Variants in LEPR observed in about 807,000 individuals in gnomAD.
LEPR encodes OB receptor.
In LEPR, 56 loss-of-function variants were observed where a neutral mutation model predicts 114.7. That is an observed-to-expected ratio of 0.49 (90% confidence interval 0.39 to 0.61). The LOEUF is 0.61. LEPR is among the 20% of genes least tolerant of loss of function. The probability of loss-of-function intolerance (pLI) is 0.00; values close to 1 mark genes in which losing one functional copy is unlikely to be tolerated. For missense variants in LEPR, 1,202 were observed against 1,352.9 expected (o/e 0.89, Z 1.75); for synonymous variants, 443 against 461.4 (o/e 0.96, Z 0.51).
chr1:65,455,080 CCTGAGG>C (rs1423906074), intron 2 of LEPR, among the ~76,000 whole-genome samples: 1 of 152,180 alleles, frequency 6.6e-6, no homozygotes, highest in Non-Finnish European at 1.5e-5. Flanking sequence ...CGCATCGGCT[CCTGAGG>C]CTTCTGCCTT....
intron 2 of LEPR, among the ~76,000 whole-genome samples, chr1:65,473,955 C>T (rs114742721): frequency 0.021 from 3,217 of 152,230 alleles, 137 homozygotes; most frequent in African/African-American, 0.074. Flanking sequence ...TCTTGGTTCT[C>T]TCATTAAATA....
At chr1:65,453,506 C>T (rs1016909910) in intron 2 of LEPR, among the ~76,000 whole-genome samples, 1 of 151,960 alleles carries the variant, frequency 6.6e-6, no homozygotes, top group African/African-American at 2.4e-5. Context: ...TTTCAAAGAA[C>T]ATCTTTATTT....
intron 14 of LEPR, among the ~76,000 whole-genome samples, chr1:65,611,358 G>T (rs890318492): frequency 6.6e-6 from 1 of 152,138 alleles, no homozygotes; most frequent in African/African-American, 2.4e-5. Context: ...TTGAGTGGGC[G>T]GTTGAACCCA....
At chr1:65,538,270 A>G (rs1349940659) in intron 2 of LEPR, among the ~76,000 whole-genome samples, 1 of 151,042 alleles carries the variant, frequency 6.6e-6, no homozygotes, top group East Asian at 2.0e-4. Flanking sequence ...TTTATTTTCA[A>G]GTTTTTTTCT....
intron 2 of LEPR, chr1:65,435,162 G>A: frequency 1.0e-6 from 1 of 985,392 alleles, no homozygotes; most frequent in Non-Finnish European, 1.2e-6. Flanking sequence ...GGAGTTCTGA[G>A]CTGGTCCTGC....
In LEPR at chr1:65,596,554, A is replaced by G. The variant is rs754950370; in HGVS notation, c.810A>G (p.Gln270=). 1.2e-6 allele frequency: 2 copies of G among 1,612,722 alleles called. No individual in the cohort carries two copies. The highest frequency in any genetic ancestry group is 4.5e-5 in the East Asian group (2 of 44,778). ...PPLVPFPLQY[Q]VKYSENSTTV... ...TGGTACCATTTCCACTTCAATATCA[A>G]GTGAAATATTCAGAGAATTCTACAA... Residue 270 remains glutamine (Q), a synonymous_variant, in exon 7 of 20, where the codon CAA becomes CAG. Coordinates refer to ENST00000349533, the MANE Select transcript of LEPR (RefSeq NM_002303.6).
intron 2 of LEPR, among the ~76,000 whole-genome samples, chr1:65,565,115 A>G (rs1653637635): frequency 6.6e-6 from 1 of 152,218 alleles, no homozygotes; most frequent in South Asian, 2.1e-4. Flanking sequence ...TTGGCCTTAC[A>G]ATATCATAGT....
chr1:65,489,331 T>C (rs2100486431), intron 2 of LEPR, among the ~76,000 whole-genome samples: 1 of 152,330 alleles, frequency 6.6e-6, no homozygotes, highest in East Asian at 1.9e-4. Context: ...GAATGGTATC[T>C]CATTGCACTT....
chr1:65,596,619 G>A (rs1656081072), intron 7 of LEPR, 26 bp downstream of exon 7: 3 of 1,602,326 alleles, frequency 1.9e-6, no homozygotes, highest in Non-Finnish European at 1.7e-6. Flanking sequence ...TAAGTAAAAG[G>A]AAAAGTTGAG....
intron 2 of LEPR, among the ~76,000 whole-genome samples, chr1:65,493,151 G>A (rs1444409291): frequency 2.6e-5 from 4 of 151,982 alleles, no homozygotes; most frequent in Non-Finnish European, 5.9e-5. Flanking sequence ...ACTTAGAGAG[G>A]GAGCTAGAGA....
rs939718255 is a variant in LEPR at position 65,506,631 on chromosome 1, T to A, written c.-20-58915T>A. 6.6e-5 allele frequency among the ~76,000 whole-genome samples: 10 copies of A among 151,854 alleles called. No homozygotes were observed. In the East Asian group the frequency reaches 1.7e-3, roughly 26 times the overall value. On this transcript the variant is annotated intron_variant, in intron 2 of 19. Transcript: ENST00000349533. The stretch of plus-strand genomic sequence containing the variant: ...CATTAAGCAATACAGACTGGGAACT[T>A]TTTTTTTCCTCCAAATTCTAGTTTA...
intron 2 of LEPR, among the ~76,000 whole-genome samples, chr1:65,439,611 G>C (rs956039432): frequency 6.6e-6 from 1 of 152,014 alleles, no homozygotes. Context: ...GAGGTCAGGA[G>C]TTCAAGACCA....
intron 11 of LEPR, among the ~76,000 whole-genome samples, chr1:65,606,133 A>G (rs981959492): frequency 5.9e-5 from 9 of 152,188 alleles, no homozygotes; most frequent in Non-Finnish European, 1.0e-4. Context: ...ATTAAAACCT[A>G]TAACCAAAAA....
chr1:65,639,941 A>C lies in LEPR; in HGVS notation c.*2926A>C, dbSNP rs1209861672. On this transcript the variant is annotated 3_prime_UTR_variant, in exon 20 of 20. Coordinates refer to ENST00000349533, the MANE Select transcript of LEPR (RefSeq NM_002303.6). ...TTTAGAGATGAGCTACAAGTTGACAAGAAAAATAGGAGCAGTTTTTTTTTT... is the reference window on the plus strand; with the variant it reads ...TTTAGAGATGAGCTACAAGTTGACACGAAAAATAGGAGCAGTTTTTTTTTT... 1.3e-5 allele frequency: 2 copies of C among 152,156 alleles called. No individual in the cohort carries two copies. Among genetic ancestry groups the C allele is most frequent in the African/African-American group, 4.8e-5 (2 of 41,436 alleles). 9.4% of individuals were successfully genotyped at this position (152,156 alleles called of 1,614,324 possible).
intron 2 of LEPR, among the ~76,000 whole-genome samples, chr1:65,529,691 A>G (rs909389471): frequency 9.2e-5 from 14 of 152,296 alleles, no homozygotes; most frequent in African/African-American, 3.1e-4. Flanking sequence ...ACTACTGTCA[A>G]GTTCACCAAT....
At position 65,420,717 on chromosome 1, in the gene LEPR, C is replaced by A. The variant is rs189950527; in HGVS notation, c.-120C>A. 6.3e-7 allele frequency: 1 copy of A among 1,583,292 alleles called. No individual in the cohort carries two copies. The highest frequency in any genetic ancestry group is 1.3e-5 in the African/African-American group (1 of 74,494). On this transcript the variant is annotated 5_prime_UTR_variant, in exon 1 of 20. Transcript: ENST00000349533. The stretch of plus-strand genomic sequence containing the variant: ...GCCGGAAGCAGCCGCGGCCCCAGTT[C>A]GGGAGACATGGCGGGCGTTAAAGGT...
At chr1:65,576,829 G>A (rs952100618) in intron 5 of LEPR, 4 of 276,620 alleles carry the variant, frequency 1.4e-5, no homozygotes, top group Non-Finnish European at 2.9e-5. Context: ...GTAGAGCAAG[G>A]CATGATGAAG....
intron 2 of LEPR, among the ~76,000 whole-genome samples, chr1:65,472,534 A>C (rs920171499): frequency 1.3e-5 from 2 of 149,332 alleles, no homozygotes; most frequent in African/African-American, 4.9e-5. Flanking sequence ...ACCTGTGTGC[A>C]TAGCACACAG....
At chr1:65,508,046 C>A (rs984419753) in intron 2 of LEPR, among the ~76,000 whole-genome samples, 1 of 152,084 alleles carries the variant, frequency 6.6e-6, no homozygotes, top group African/African-American at 2.4e-5. Context: ...TATTTGTTTT[C>A]TTGTTATTGA....
Sources: gnomAD v4.1 joint callset for allele counts (sites outside exome capture counted in the v4.1 genomes callset) on GRCh38, gnomAD v4.1.1 for gene constraint, MANE v1.5 for transcripts, NCBI Gene and HGNC (gene_info 2026-07-23, HGNC 2026-07-21) for gene names.